Variants in VWC2L observed in about 807,000 individuals in gnomAD.
VWC2L encodes von Willebrand factor C domain-containing protein 2-like.
In VWC2L, 10 loss-of-function variants were observed where a neutral mutation model predicts 21.6. The ratio of observed to expected loss-of-function variants is 0.46; its 90% confidence interval spans 0.29 to 0.78. The LOEUF is 0.78. VWC2L is among the 30% of genes least tolerant of loss of function. The probability of loss-of-function intolerance (pLI) is 0.10; values close to 1 mark genes in which losing one functional copy is unlikely to be tolerated. For synonymous variants in VWC2L, 96 were observed against 94.3 expected (o/e 1.02, Z -0.10); for missense variants, 209 against 277.1 (o/e 0.75, Z 1.74).
At position 214,545,350 on chromosome 2, in the gene VWC2L, G is replaced by A. The variant is rs1045691985; in HGVS notation, c.521-30322G>A. On this transcript the variant is annotated intron_variant, in intron 3 of 3. Transcript: ENST00000312504. ...CTCTTTGCCAACACACTGAATATCA[G>A]CCCTAAACAAACTGCTCTAGAAAAT... Among the ~76,000 whole-genome samples, 6 of 152,280 alleles carry A rather than the reference G, an allele frequency of 3.9e-5. No homozygotes were observed. In the East Asian group the frequency reaches 5.8e-4, roughly 15 times the overall value.
intron 3 of VWC2L, among the ~76,000 whole-genome samples, chr2:214,535,640 C>T (rs773183704): frequency 1.1e-4 from 17 of 152,016 alleles, no homozygotes; most frequent in Non-Finnish European, 1.9e-4. Context: ...CTTAAAGCTG[C>T]GTAAGTCATC....
intron 3 of VWC2L, among the ~76,000 whole-genome samples, chr2:214,459,874 G>C (rs1345598633): frequency 9.8e-6 from 1 of 101,684 alleles, no homozygotes; most frequent in East Asian, 2.8e-4. Context: ...CTTTCCTCTT[G>C]TTTCTAGAAT....
At chr2:214,452,077 C>T (rs1644173048) in intron 3 of VWC2L, among the ~76,000 whole-genome samples, 3 of 152,148 alleles carry the variant, frequency 2.0e-5, no homozygotes, top group African/African-American at 7.2e-5. Context: ...AGTCCTTGTA[C>T]ATCAATTTGC....
intron 1 of VWC2L, among the ~76,000 whole-genome samples, chr2:214,412,762 A>G (rs1017241933): frequency 6.6e-6 from 1 of 152,042 alleles, no homozygotes; most frequent in Non-Finnish European, 1.5e-5. Flanking sequence ...TTATCTTGTT[A>G]TCGTCTGTAT....
chr2:214,501,458 C>T (rs7602370), intron 3 of VWC2L, among the ~76,000 whole-genome samples: 52,627 of 152,002 alleles, frequency 0.35, 10,944 homozygotes, highest in South Asian at 0.48. Context: ...CGTGGTGGCT[C>T]ATGCCTGTAA....
chr2:214,521,489 CT>C (rs1689240259), intron 3 of VWC2L, among the ~76,000 whole-genome samples: 1 of 152,080 alleles, frequency 6.6e-6, no homozygotes, highest in Admixed American at 6.5e-5. Context: ...CATATTTTTG[CT>C]TTCTTGTCAA....
At chr2:214,561,809 T>TATATATATATATATATATATATATACAC (rs1489588765) in intron 3 of VWC2L, among the ~76,000 whole-genome samples, 20 of 127,216 alleles carry the variant, frequency 1.6e-4, no homozygotes, top group East Asian at 8.6e-4. Flanking sequence ...TATATATATA[T>TATATATATATATATATATATATATACAC]ACACACACAT....
At chr2:214,534,975 T>C (rs1350595195) in intron 3 of VWC2L, among the ~76,000 whole-genome samples, 1 of 152,126 alleles carries the variant, frequency 6.6e-6, no homozygotes, top group African/African-American at 2.4e-5. Context: ...CTGGACTGCC[T>C]GACCCATTCA....
chr2:214,430,962 C>G (rs1409874148), intron 2 of VWC2L, among the ~76,000 whole-genome samples: 1 of 152,110 alleles, frequency 6.6e-6, no homozygotes, highest in African/African-American at 2.4e-5. Flanking sequence ...TAGAGCAGAT[C>G]GCTGAAGAGG....
chr2:214,430,029 G>A (rs1254228386), intron 2 of VWC2L, among the ~76,000 whole-genome samples: 5 of 151,982 alleles, frequency 3.3e-5, no homozygotes, highest in Non-Finnish European at 1.5e-5. Flanking sequence ...TCACCATGTT[G>A]GCCAGGCTAG....
chr2:214,549,164 A>T (rs982944589), intron 3 of VWC2L, among the ~76,000 whole-genome samples: 5 of 151,928 alleles, frequency 3.3e-5, no homozygotes, highest in African/African-American at 1.2e-4. Context: ...CTCTTATTAG[A>T]CCCTTGTAAT....
intron 3 of VWC2L, among the ~76,000 whole-genome samples, chr2:214,556,224 C>T (rs574725033): frequency 9.5e-4 from 144 of 152,264 alleles, no homozygotes; most frequent in African/African-American, 3.3e-3. Flanking sequence ...TGTGCCACTG[C>T]CCTCCAGCCT....
intron 3 of VWC2L, among the ~76,000 whole-genome samples, chr2:214,480,533 C>T (rs1559303499): frequency 6.6e-6 from 1 of 152,170 alleles, no homozygotes; most frequent in Non-Finnish European, 1.5e-5. Context: ...ATATCTATCT[C>T]TTGCACATTC....
At chr2:214,565,906 T>C (rs1217477315) in intron 3 of VWC2L, among the ~76,000 whole-genome samples, 2 of 152,122 alleles carry the variant, frequency 1.3e-5, no homozygotes, top group Non-Finnish European at 2.9e-5. Flanking sequence ...AGCCAGTAAA[T>C]GGTAGGAGTA....
intron 2 of VWC2L, among the ~76,000 whole-genome samples, chr2:214,427,773 CT>C (rs1267986015): frequency 6.6e-6 from 1 of 152,170 alleles, no homozygotes; most frequent in African/African-American, 2.4e-5. Context: ...CTCCCATACA[CT>C]TTAAACTATT....
At chr2:214,427,922 G>A (rs1702549499) in intron 2 of VWC2L, among the ~76,000 whole-genome samples, 1 of 152,064 alleles carries the variant, frequency 6.6e-6, no homozygotes, top group African/African-American at 2.4e-5. Flanking sequence ...TTCCAATACA[G>A]TATTTTTGAT....
chr2:214,534,131 T>C (rs1463480178), intron 3 of VWC2L: 1 of 152,450 alleles, frequency 6.6e-6, no homozygotes, highest in Non-Finnish European at 1.5e-5. Flanking sequence ...ACACCGGGTA[T>C]CTCTGAGATG....
chr2:214,461,760 AACAG>A (rs1703144814), intron 3 of VWC2L, among the ~76,000 whole-genome samples: 1 of 152,140 alleles, frequency 6.6e-6, no homozygotes, highest in Non-Finnish European at 1.5e-5. Context: ...CAGGTTCCCT[AACAG>A]CATGGTTAGG....
chr2:214,483,049 C>A (rs553528975), intron 3 of VWC2L, among the ~76,000 whole-genome samples: 117 of 152,294 alleles, frequency 7.7e-4, no homozygotes, highest in African/African-American at 2.7e-3. Context: ...AATCAATATA[C>A]TCTCCTTCTG....
Sources: gnomAD v4.1 joint callset for allele counts (sites outside exome capture counted in the v4.1 genomes callset) on GRCh38, gnomAD v4.1.1 for gene constraint, MANE v1.5 for transcripts, NCBI Gene and HGNC (gene_info 2026-07-23, HGNC 2026-07-21) for gene names.